Variants in CRACDL observed in about 807,000 individuals in gnomAD.
The protein encoded by CRACDL is CRACD like, also known as CRACD-like protein.
A neutral mutation model predicts 70.6 loss-of-function variants in CRACDL; 26 were observed. The ratio of observed to expected loss-of-function variants is 0.37; its 90% confidence interval spans 0.27 to 0.51. The LOEUF is 0.51. Ranked by LOEUF, CRACDL falls within the 20% of genes least tolerant of loss-of-function variation. The pLI is 0.94. For missense variants in CRACDL, 1,283 were observed against 1,376.9 expected (o/e 0.93, Z 1.08); for synonymous variants, 618 against 615.2 (o/e 1.00, Z -0.07).
rs180681393 is a variant in CRACDL at position 98,895,847 on chromosome 2, T to C, written c.-11+40091A>G. The stretch of plus-strand genomic sequence containing the variant: ...GGTGGTGGAGGCTCTGAGAGGTGAT[T>C]AGGTCATGGGGCTGGGGCCTTCATG... On this transcript the variant is annotated intron_variant, in intron 1 of 9. Transcript: ENST00000397899. Among the ~76,000 whole-genome samples, 17 of 152,126 alleles carry C rather than the reference T, an allele frequency of 1.1e-4. No homozygotes were observed. The East Asian group carries it at 3.3e-3, about 29-fold the overall frequency.
At chr2:98,924,690 C>T (rs1407756269) in intron 1 of CRACDL, among the ~76,000 whole-genome samples, 1 of 152,004 alleles carries the variant, frequency 6.6e-6, no homozygotes. Context: ...CATGGCACCC[C>T]CAGGCATGGC....
intron 3 of CRACDL, among the ~76,000 whole-genome samples, chr2:98,833,487 C>T (rs772845175): frequency 6.6e-6 from 1 of 152,210 alleles, no homozygotes; most frequent in East Asian, 1.9e-4. Flanking sequence ...GACATACATC[C>T]GTGGGTGGTT....
rs748324342 is a variant in CRACDL, at chr2:98,838,162, T to A, written c.196A>T (p.Ile66Phe). ...TCGTAGCCCACTGGCCCGGATTCGA[T>A]GGCAATGACCTCATTCCTCGTCTGA... ...QSQTRNEVIAIESGPVGYDSE... is the reference protein window; with the variant it reads ...QSQTRNEVIAFESGPVGYDSE... The change falls in exon 3 of 10, where the codon ATC (isoleucine) becomes TTC (phenylalanine). Residue 66 changes from isoleucine to phenylalanine, a missense_variant. Ile to Phe is a conservative substitution (Grantham distance 21). Around this residue, in one of 2 missense-constraint regions of CRACDL, gnomAD observed 362 missense variants for 495.0 expected, o/e 0.73. Transcript: ENST00000397899. The A allele has an allele frequency of 1.2e-6, 2 of 1,613,704 alleles. No individual in the cohort carries two copies. Among genetic ancestry groups the A allele is most frequent in the Admixed American group, 3.3e-5 (2 of 59,938 alleles).
intron 1 of CRACDL, among the ~76,000 whole-genome samples, chr2:98,915,440 G>A (rs1708641930): frequency 6.6e-6 from 1 of 152,120 alleles, no homozygotes; most frequent in African/African-American, 2.4e-5. Context: ...GGACCATAGG[G>A]ACCAGGGATG....
intron 1 of CRACDL, among the ~76,000 whole-genome samples, chr2:98,888,846 C>T (rs1183933311): frequency 2.0e-5 from 3 of 151,960 alleles, no homozygotes; most frequent in Admixed American, 6.6e-5. Context: ...AAACAGTAAC[C>T]AAGCCGGGCG....
intron 1 of CRACDL, among the ~76,000 whole-genome samples, chr2:98,888,631 C>T (rs1406711212): frequency 6.6e-6 from 1 of 151,978 alleles, no homozygotes. Context: ...GTACAGAAAC[C>T]AAAGGGCAAA....
intron 7 of CRACDL, among the ~76,000 whole-genome samples, chr2:98,799,927 G>A (rs906820519): frequency 1.5e-4 from 23 of 151,988 alleles, no homozygotes; most frequent in Non-Finnish European, 2.8e-4. Context: ...TCCTAACCTG[G>A]AACTCCTGCT....
intron 1 of CRACDL, among the ~76,000 whole-genome samples, chr2:98,927,186 C>T (rs772915848): frequency 4.5e-4 from 69 of 152,214 alleles, no homozygotes; most frequent in Admixed American, 4.6e-4. Context: ...AGAGCTTCCT[C>T]CACGGCTCCA....
intron 7 of CRACDL, among the ~76,000 whole-genome samples, chr2:98,805,064 C>G (rs1704230507): frequency 6.6e-6 from 1 of 152,148 alleles, no homozygotes; most frequent in Admixed American, 6.5e-5. Context: ...GGCTCTCCTG[C>G]AAAAGCCATC....
intron 7 of CRACDL, among the ~76,000 whole-genome samples, chr2:98,812,144 TTTTTA>T (rs1704593665): frequency 6.6e-6 from 1 of 152,162 alleles, no homozygotes; most frequent in Non-Finnish European, 1.5e-5. Flanking sequence ...CTCAGTTAAT[TTTTTA>T]TTTTTAGTAT....
chr2:98,799,347 G>A (rs535493098), intron 7 of CRACDL, among the ~76,000 whole-genome samples: 5 of 152,216 alleles, frequency 3.3e-5, no homozygotes, highest in East Asian at 3.9e-4. Context: ...AGGTACAAGC[G>A]GGGTGGCCAC....
chr2:98,854,186 C>T lies in CRACDL; in HGVS notation c.-10-7376G>A, dbSNP rs536489222. On this transcript the variant is annotated intron_variant, in intron 1 of 9. Coordinates refer to ENST00000397899, the MANE Select transcript of CRACDL (RefSeq NM_207362.3). ...AGTCCCAGTATTCGGGAGGCTGAGG[C>T]GGGAGAAGTGCGTGAACCCGGGAGG... Among the ~76,000 whole-genome samples the T allele has an allele frequency of 4.2e-4, 61 of 143,534 alleles. No individual in the cohort carries two copies. The Middle Eastern group carries it at 0.027, about 64-fold the overall frequency. The allele number at this position is 143,534 out of a possible 152,430, so 94.2% of individuals were successfully genotyped here.
At chr2:98,916,536 A>C (rs1226905064) in intron 1 of CRACDL, among the ~76,000 whole-genome samples, 1 of 152,202 alleles carries the variant, frequency 6.6e-6, no homozygotes, top group Non-Finnish European at 1.5e-5. Flanking sequence ...TTATAAAAAT[A>C]TAGAAAGATA....
chr2:98,799,663 C>T (rs1703991667), intron 7 of CRACDL, among the ~76,000 whole-genome samples: 1 of 152,202 alleles, frequency 6.6e-6, no homozygotes, highest in African/African-American at 2.4e-5. Context: ...CCAGTTCTCC[C>T]TCCTCCTCTA....
intron 1 of CRACDL, among the ~76,000 whole-genome samples, chr2:98,877,000 C>T (rs543502118): frequency 6.6e-6 from 1 of 152,226 alleles, no homozygotes. Context: ...AAATGCAACA[C>T]CGGCACATCC....
chr2:98,888,999 G>A (rs1707872056), intron 1 of CRACDL, among the ~76,000 whole-genome samples: 1 of 151,832 alleles, frequency 6.6e-6, no homozygotes, highest in Non-Finnish European at 1.5e-5. Flanking sequence ...ATGGTGGTAT[G>A]CACCTATAGT....
At chr2:98,902,352 G>A (rs761203334) in intron 1 of CRACDL, among the ~76,000 whole-genome samples, 43 of 152,154 alleles carry the variant, frequency 2.8e-4, no homozygotes, top group Non-Finnish European at 5.7e-4. Context: ...GGCCCGTGAT[G>A]ACCCTGCCTC....
chr2:98,922,488 C>T (rs1192499005), intron 1 of CRACDL, among the ~76,000 whole-genome samples: 2 of 149,826 alleles, frequency 1.3e-5, no homozygotes, highest in Non-Finnish European at 3.0e-5. Flanking sequence ...GAAATTAAAA[C>T]ACTTTCACAA....
At chr2:98,799,342 C>A (rs1036330416) in intron 7 of CRACDL, among the ~76,000 whole-genome samples, 1 of 152,132 alleles carries the variant, frequency 6.6e-6, no homozygotes, top group Non-Finnish European at 1.5e-5. Context: ...CAAGGAGGTA[C>A]AAGCGGGGTG....
Sources: allele counts gnomAD v4.1 joint callset (sites outside exome capture counted in the v4.1 genomes callset), GRCh38; gene constraint gnomAD v4.1.1; regional missense constraint gnomAD v4.1.1; transcripts MANE v1.5; gene names NCBI Gene and HGNC (gene_info 2026-07-23, HGNC 2026-07-21).